Variants in RNPC3 observed in about 807,000 individuals in gnomAD.
The protein encoded by RNPC3 is RNA-binding region-containing protein 3.
In RNPC3, 48 loss-of-function variants were observed where a neutral mutation model predicts 67.5. That is an observed-to-expected ratio of 0.71 (90% confidence interval 0.56 to 0.90). RNPC3 has a LOEUF of 0.90. Ranked by LOEUF, RNPC3 falls within the 40% of genes least tolerant of loss-of-function variation. The probability of loss-of-function intolerance (pLI) is 0.00; values close to 1 mark genes in which losing one functional copy is unlikely to be tolerated. For synonymous variants in RNPC3, 239 were observed against 210.3 expected (o/e 1.14, Z -1.18); for missense variants, 637 against 626.1 (o/e 1.02, Z -0.19).
chr1:103,534,662 T>G, intron 3 of RNPC3, 112 bp from the exon 4 acceptor site: 1 of 644,354 alleles, frequency 1.6e-6, no homozygotes, highest in Non-Finnish European at 2.6e-6. Flanking sequence ...TTTTTTTTTT[T>G]TTAATGAAGC....
chr1:103,549,233 A>T lies in RNPC3; in HGVS notation c.1362-1708A>T, dbSNP rs983166813. ...TGTCATATAAATTAAAAGTAAGAAGAAGTAGAAAAGGTAAGAGGCTTTTGA... is the reference window on the plus strand; with the variant it reads ...TGTCATATAAATTAAAAGTAAGAAGTAGTAGAAAAGGTAAGAGGCTTTTGA... On this transcript the variant is annotated intron_variant, in intron 12 of 14. Transcript: ENST00000423855. Among the ~76,000 whole-genome samples the T allele has an allele frequency of 2.0e-5, 3 of 152,192 alleles. No homozygotes were observed. In the East Asian group the frequency reaches 5.8e-4, roughly 29 times the overall value.
chr1:103,533,985 C>A, intron 3 of RNPC3, 128 bp downstream of exon 3: 1 of 627,034 alleles, frequency 1.6e-6, no homozygotes. Flanking sequence ...CAGATTTTTC[C>A]ATTAAACCTA....
chr1:103,536,299 A>T (rs748332499), intron 6 of RNPC3, 105 bp downstream of exon 6: 2 of 751,496 alleles, frequency 2.7e-6, no homozygotes, highest in Non-Finnish European at 4.5e-6. Flanking sequence ...TACATTGAAA[A>T]TAAGGAACGG....
At chr1:103,530,358 T>C (rs1366001868) in intron 2 of RNPC3, among the ~76,000 whole-genome samples, 1 of 152,114 alleles carries the variant, frequency 6.6e-6, no homozygotes, top group Non-Finnish European at 1.5e-5. Context: ...TAGGGTTATA[T>C]TTGAACAACA....
chr1:103,528,916 G>T (rs1044848055), intron 2 of RNPC3, among the ~76,000 whole-genome samples: 1 of 152,134 alleles, frequency 6.6e-6, no homozygotes, highest in African/African-American at 2.4e-5. Context: ...AAGTCTTTTT[G>T]CCATGAAACA....
chr1:103,533,142 A>G (rs187120294), intron 2 of RNPC3, among the ~76,000 whole-genome samples: 1 of 152,186 alleles, frequency 6.6e-6, no homozygotes, highest in East Asian at 1.9e-4. Context: ...TAAGTTAAGC[A>G]GCTGGATTTA....
intron 10 of RNPC3, chr1:103,546,010 A>G: frequency 5.0e-6 from 1 of 200,012 alleles, no homozygotes. Context: ...TTCAGTGAGT[A>G]TATTTAAACC....
At chr1:103,541,324 G>A (rs556732661) in intron 7 of RNPC3, 26 bp from the exon 8 acceptor site, 14 of 1,469,744 alleles carry the variant, frequency 9.5e-6, no homozygotes, top group Admixed American at 8.7e-5. Context: ...AGGAAATTTT[G>A]TTTATCATCC....
At chr1:103,533,107 A>G in intron 2 of RNPC3, among the ~76,000 whole-genome samples, 1 of 151,972 alleles carries the variant, frequency 6.6e-6, no homozygotes, top group East Asian at 1.9e-4. Context: ...ACCCTTGAGG[A>G]GATGAGAGGA....
chr1:103,528,231 A>G (rs1650762490), intron 2 of RNPC3, among the ~76,000 whole-genome samples: 1 of 152,224 alleles, frequency 6.6e-6, no homozygotes, highest in Non-Finnish European at 1.5e-5. Context: ...TGGAAATGGA[A>G]CTTGAAAAAT....
chr1:103,543,428 T>C lies in RNPC3; in HGVS notation c.1026T>C (p.Asn342=), dbSNP rs1190025151. 2.0e-5 allele frequency: 30 copies of C among 1,508,044 alleles called. No individual in the cohort carries two copies. The highest frequency in any genetic ancestry group is 1.1e-5 in the Non-Finnish European group (12 of 1,135,298). 93.4% of individuals were successfully genotyped at this position (1,508,044 alleles called of 1,614,324 possible). Residue 342 remains asparagine (N), a synonymous_variant, in exon 9 of 15, where the codon AAT becomes AAC. Transcript: ENST00000423855. ...AFKKDLEKEQ[N]CEEKNHDLPA... Reference sequence around the variant, plus strand: ...AGAAAGATTTAGAAAAGGAACAAAATTGTGAGGAAAAAAATCATGGTAAGG... The same window carrying C: ...AGAAAGATTTAGAAAAGGAACAAAACTGTGAGGAAAAAAATCATGGTAAGG...
At position 103,537,497 on chromosome 1, in the gene RNPC3, A is replaced by T. The variant is rs1651014794; in HGVS notation, c.767+13A>T. ...AGGACCGACAGAGGTTTGTAACATG[A>T]AAAATTTGTTTAGTTTCCAAGAAAC... On this transcript the variant is annotated intron_variant, in intron 7 of 14. Coordinates refer to ENST00000423855, the MANE Select transcript of RNPC3 (RefSeq NM_017619.4). 2 of 1,526,672 alleles carry T rather than the reference A, an allele frequency of 1.3e-6. No individual in the cohort carries two copies. The highest frequency in any genetic ancestry group is 4.1e-5 in the Admixed American group (2 of 48,744). 94.6% of individuals were successfully genotyped at this position (1,526,672 alleles called of 1,614,324 possible).
chr1:103,553,657 T>C (rs1651453950), intron 14 of RNPC3: 1 of 152,218 alleles, frequency 6.6e-6, no homozygotes, highest in African/African-American at 2.4e-5. Context: ...TAACATATGC[T>C]TTCTGTTGTG....
At position 103,545,083 on chromosome 1, in the gene RNPC3, G is replaced by T. The variant is rs1348116206; in HGVS notation, c.1188G>T (p.Lys396Asn). 2.6e-6 allele frequency: 4 copies of T among 1,531,808 alleles called. No homozygotes were observed. The highest frequency in any genetic ancestry group is 3.5e-6 in the Non-Finnish European group (4 of 1,144,324). The allele number at this position is 1,531,808 out of a possible 1,614,324, so 94.9% of individuals were successfully genotyped here. The change falls in exon 10 of 15, where the codon AAG becomes AAT. Residue 396 changes from lysine to asparagine, a missense_variant. Physicochemically the swap from Lys to Asn is moderately conservative, Grantham distance 94. Around this residue, in one of 3 missense-constraint regions of RNPC3, gnomAD observed 536 missense variants for 500.3 expected, o/e 1.07. Coordinates refer to ENST00000423855, the MANE Select transcript of RNPC3 (RefSeq NM_017619.4). ...GTATTTCTAGAAGGGAATTGGAAAAGGGCAGAATTTCTAGAGAAGGTAATG... is the reference window on the plus strand; with the variant it reads ...GTATTTCTAGAAGGGAATTGGAAAATGGCAGAATTTCTAGAGAAGGTAATG... Reference protein sequence around the residue: ...SECISRRELEKGRISREEMET... With the variant: ...SECISRRELENGRISREEMET...
intron 2 of RNPC3, 146 bp from the exon 3 acceptor site, chr1:103,533,593 A>G: frequency 1.6e-6 from 1 of 616,398 alleles, no homozygotes; most frequent in African/African-American, 1.9e-5. Context: ...TAAAGGCTTG[A>G]TAGCCTGAGA....
intron 12 of RNPC3, among the ~76,000 whole-genome samples, chr1:103,549,933 C>T (rs1159597528): frequency 2.0e-5 from 3 of 151,724 alleles, no homozygotes; most frequent in African/African-American, 4.8e-5. Flanking sequence ...GAGGCCGAAG[C>T]GGGGGGGATC....
intron 2 of RNPC3, among the ~76,000 whole-genome samples, chr1:103,529,142 C>T (rs1650781645): frequency 6.6e-6 from 1 of 151,998 alleles, no homozygotes; most frequent in Admixed American, 6.6e-5. Context: ...TTAGCATATA[C>T]ACAGAAAAAA....
At chr1:103,541,222 G>A (rs1651118073) in intron 7 of RNPC3, 128 bp from the exon 8 acceptor site, 2 of 602,554 alleles carry the variant, frequency 3.3e-6, no homozygotes, top group East Asian at 3.6e-5. Flanking sequence ...CTATATATTT[G>A]ATGTAAGTAA....
At chr1:103,539,739 A>G (rs1242878585) in intron 7 of RNPC3, among the ~76,000 whole-genome samples, 1 of 152,214 alleles carries the variant, frequency 6.6e-6, no homozygotes, top group African/African-American at 2.4e-5. Flanking sequence ...CAAAAGAAAA[A>G]TGGTACAGGT....
Sources: gnomAD v4.1 joint callset for allele counts (sites outside exome capture counted in the v4.1 genomes callset) on GRCh38, gnomAD v4.1.1 for gene constraint, gnomAD v4.1.1 regional missense constraint, MANE v1.5 for transcripts, NCBI Gene and HGNC (gene_info 2026-07-23, HGNC 2026-07-21) for gene names.